The following PGBD5 variants were observed in gnomAD, a reference collection of about 807,000 sequenced individuals.
The protein encoded by PGBD5 is piggyBac transposable element-derived protein 5.
Under a neutral mutation model 47.9 loss-of-function variants are expected in PGBD5, and 14 were observed. The ratio of observed to expected loss-of-function variants is 0.29; its 90% CI spans 0.19 to 0.46. The LOEUF is 0.46. Ranked by LOEUF, PGBD5 falls within the 20% of genes least tolerant of loss-of-function variation. The pLI, the probability that PGBD5 is intolerant of heterozygous loss-of-function variation, is 1.00. For missense variants in PGBD5, 635 were observed against 716.0 expected (o/e 0.89, Z 1.29); for synonymous variants, 316 against 306.3 (o/e 1.03, Z -0.33).
At position 230,351,086 on chromosome 1, in the gene PGBD5, G is replaced by A. The variant is rs768118961; in HGVS notation, c.766C>T (p.His256Tyr). The A allele has an allele frequency of 6.2e-7, 1 of 1,612,226 alleles. No homozygotes were observed. Residue 256 changes from histidine to tyrosine, a missense_variant, in exon 3 of 7, where the codon CAT becomes TAT. His to Tyr is a moderately conservative substitution (Grantham distance 83, BLOSUM62 2). Coordinates refer to ENST00000391860, the MANE Select transcript of PGBD5 (RefSeq NM_001258311.2). The stretch of plus-strand genomic sequence containing the variant: ...GGATCCTCATCGATCAGGGGTTCAT[G>A]TAGCACCTGCCAGGAGGGAAAAAGC... Reference protein sequence around the residue: ...AFRPSQTQVLHEPLIDEDPVF... With the variant: ...AFRPSQTQVLYEPLIDEDPVF...
chr1:230,335,780 C>G (rs371561537), intron 4 of PGBD5, among the ~76,000 whole-genome samples: 19 of 434 alleles, frequency 0.044, 4 homozygotes, highest in African/African-American at 0.093. Context: ...GACAGACACA[C>G]ACACACACAC....
intron 1 of PGBD5, among the ~76,000 whole-genome samples, chr1:230,403,236 G>T (rs1327539470): frequency 6.6e-6 from 1 of 152,128 alleles, no homozygotes; most frequent in Non-Finnish European, 1.5e-5. Flanking sequence ...ATCTCCCAAC[G>T]TCTGTTTCAT....
intron 1 of PGBD5, among the ~76,000 whole-genome samples, chr1:230,382,466 G>A (rs531832706): frequency 4.6e-5 from 7 of 152,328 alleles, no homozygotes; most frequent in African/African-American, 1.7e-4. Flanking sequence ...CACTGATGAT[G>A]GGCAAGGGAA....
chr1:230,421,814 G>C (rs1657654390), intron 1 of PGBD5, among the ~76,000 whole-genome samples: 1 of 152,156 alleles, frequency 6.6e-6, no homozygotes, highest in South Asian at 2.1e-4. Flanking sequence ...CCTGTACAGA[G>C]CTAAAGGTAG....
At chr1:230,396,576 A>T (rs1169193600) in intron 1 of PGBD5, among the ~76,000 whole-genome samples, 2 of 42,054 alleles carry the variant, frequency 4.8e-5, no homozygotes, top group African/African-American at 3.7e-4. Context: ...CTCCCCCTGC[A>T]TTCATCTGGA....
At chr1:230,337,755 G>A (rs998181121) in intron 3 of PGBD5, among the ~76,000 whole-genome samples, 1 of 152,160 alleles carries the variant, frequency 6.6e-6, no homozygotes, top group African/African-American at 2.4e-5. Context: ...GCAGGCAGAA[G>A]AGGTATGATT....
At position 230,316,839 on chromosome 1, in the gene PGBD5, G is replaced by T. The variant is rs1426469703; in HGVS notation, c.*6586C>A. 1.3e-5 allele frequency: 2 copies of T among 152,210 alleles called. No individual in the cohort carries two copies. Among genetic ancestry groups the T allele is most frequent in the Non-Finnish European group, 2.9e-5 (2 of 68,050 alleles). The allele number at this position is 152,210 out of a possible 1,614,324, so 9.4% of individuals were successfully genotyped here. ...AGAGCCTTCCTTTTGGCTTGGGCAT[G>T]ACCTCTCGGATAGCTGGGAACACCG... On this transcript the variant is annotated 3_prime_UTR_variant, in exon 7 of 7. Coordinates refer to ENST00000391860, the MANE Select transcript of PGBD5 (RefSeq NM_001258311.2).
chr1:230,412,538 A>G (rs1484950890), intron 1 of PGBD5, among the ~76,000 whole-genome samples: 1 of 151,824 alleles, frequency 6.6e-6, no homozygotes, highest in Non-Finnish European at 1.5e-5. Flanking sequence ...ACAGGCACCC[A>G]CCACCACACC....
intron 1 of PGBD5, among the ~76,000 whole-genome samples, chr1:230,394,999 A>ATG (rs1656894132): frequency 8.9e-5 from 3 of 33,628 alleles, no homozygotes; most frequent in Admixed American, 3.2e-4. Flanking sequence ...CTCTCCTCCC[A>ATG]CTCCTCCCCA....
At chr1:230,383,648 T>A (rs1045662631) in intron 1 of PGBD5, among the ~76,000 whole-genome samples, 6 of 152,172 alleles carry the variant, frequency 3.9e-5, no homozygotes, top group African/African-American at 1.4e-4. Context: ...CTTTCCAATG[T>A]GCTGGGATTA....
intron 1 of PGBD5, among the ~76,000 whole-genome samples, chr1:230,423,561 G>GC (rs776860749): frequency 8.5e-5 from 13 of 152,144 alleles, no homozygotes; most frequent in Admixed American, 3.9e-4. Context: ...CCACACTTCT[G>GC]CATCTATTTT....
Position 230,323,126 on chromosome 1 carries a change from C to T in PGBD5, c.*299G>A, listed in dbSNP as rs1027025009. 1.9e-5 allele frequency: 7 copies of T among 367,602 alleles called. No homozygotes were observed. Among genetic ancestry groups the T allele is most frequent in the African/African-American group, 1.0e-4 (5 of 49,264 alleles). 22.8% of individuals were successfully genotyped at this position (367,602 alleles called of 1,614,324 possible). The stretch of plus-strand genomic sequence containing the variant: ...GCCTTCCTTCACAGTCACCAGTCCA[C>T]GCTGCCTCGCAAGCTCCACGGATGT... On this transcript the variant is annotated 3_prime_UTR_variant, in exon 7 of 7. Coordinates refer to ENST00000391860, the MANE Select transcript of PGBD5 (RefSeq NM_001258311.2). The surrounding 1 kb of genome is among the most constrained non-coding windows in gnomAD (Gnocchi z 4.1).
chr1:230,364,430 A>G (rs1016481809), intron 1 of PGBD5, among the ~76,000 whole-genome samples: 3 of 152,256 alleles, frequency 2.0e-5, no homozygotes, highest in African/African-American at 7.2e-5. Flanking sequence ...GCTGCTAACC[A>G]TTCCGTACAG....
rs193018959 is a variant in PGBD5 at position 230,365,182 on chromosome 1, G to A, written c.332-7861C>T. ...CAAAAAATTAGCCAGGCGTGGTGGCGGGCACCTGTAGTCCCAGCTACTCAG... is the reference window on the plus strand; with the variant it reads ...CAAAAAATTAGCCAGGCGTGGTGGCAGGCACCTGTAGTCCCAGCTACTCAG... On this transcript the variant is annotated intron_variant, in intron 1 of 6. Coordinates refer to ENST00000391860, the MANE Select transcript of PGBD5 (RefSeq NM_001258311.2). Among the ~76,000 whole-genome samples, 21 of 149,292 alleles carry A rather than the reference G, an allele frequency of 1.4e-4. No individual in the cohort carries two copies. The South Asian group carries it at 1.7e-3, about 12-fold the overall frequency.
intron 5 of PGBD5, among the ~76,000 whole-genome samples, chr1:230,326,071 G>T (rs576115149): frequency 6.6e-6 from 1 of 152,330 alleles, no homozygotes; most frequent in African/African-American, 2.4e-5. Flanking sequence ...ATATGTAGCA[G>T]AACATCACTA....
At chr1:230,331,274 G>A (rs1183928587) in intron 5 of PGBD5, among the ~76,000 whole-genome samples, 1 of 152,036 alleles carries the variant, frequency 6.6e-6, no homozygotes, top group Non-Finnish European at 1.5e-5. Context: ...ACATTAGCCG[G>A]GCGCAGCGGT....
chr1:230,348,732 C>T (rs1667512314), intron 3 of PGBD5, among the ~76,000 whole-genome samples: 1 of 152,228 alleles, frequency 6.6e-6, no homozygotes, highest in Admixed American at 6.5e-5. Context: ...CAGAGATGTC[C>T]TTTCCCTGCG....
At chr1:230,360,534 T>C (rs1667726366) in intron 1 of PGBD5, among the ~76,000 whole-genome samples, 2 of 152,220 alleles carry the variant, frequency 1.3e-5, no homozygotes, top group Non-Finnish European at 2.9e-5. Context: ...TCCCCCATGC[T>C]GTTCTCGTGA....
intron 5 of PGBD5, among the ~76,000 whole-genome samples, chr1:230,327,028 G>A (rs890473467): frequency 6.6e-6 from 1 of 152,138 alleles, no homozygotes; most frequent in Admixed American, 6.5e-5. Context: ...CCAAGCCACT[G>A]CTGGTCATTC....
Sources: allele counts gnomAD v4.1 joint callset (sites outside exome capture counted in the v4.1 genomes callset), GRCh38; gene constraint gnomAD v4.1.1; non-coding constraint Gnocchi (gnomAD v3.1); transcripts MANE v1.5; gene names NCBI Gene and HGNC (gene_info 2026-07-23, HGNC 2026-07-21).